Variants in RSF1 observed in about 807,000 individuals in gnomAD.
RSF1 encodes the protein remodeling and spacing factor 1, also known as HBV pX-associated protein 8.
RSF1 carries 13 observed loss-of-function variants against 145.2 expected under a neutral mutation model. The observed-to-expected ratio is 0.09, with a 90% CI of 0.06 to 0.14. RSF1 has a LOEUF of 0.14. Among genes scored for constraint, RSF1 ranks in the 10% least tolerant of loss-of-function variants. The probability of loss-of-function intolerance (pLI) is 1.00; values close to 1 mark genes in which losing one functional copy is unlikely to be tolerated. For missense variants in RSF1, 1,517 were observed against 1,718.2 expected, an observed-to-expected ratio of 0.88 and a Z score of 2.07; for synonymous variants, 577 against 592.6, an observed-to-expected ratio of 0.97 and a Z score of 0.38.
At chr11:77,704,352 C>T (rs1960493356) in intron 5 of RSF1, among the ~76,000 whole-genome samples, 1 of 152,102 alleles carries the variant, frequency 6.6e-6, no homozygotes, top group Admixed American at 6.6e-5. Flanking sequence ...AAACCTTCAA[C>T]CCAATACTAA....
At chr11:77,793,321 G>C (rs909376679) in intron 1 of RSF1, among the ~76,000 whole-genome samples, 3 of 151,856 alleles carry the variant, frequency 2.0e-5, no homozygotes, top group Non-Finnish European at 2.9e-5. Context: ...CTCTACAAAA[G>C]AAAAAAATTT....
chr11:77,823,717 T>G (rs1253464615), upstream of RSF1, among the ~76,000 whole-genome samples: 1 of 151,990 alleles, frequency 6.6e-6, no homozygotes. Flanking sequence ...TACTGGTTAC[T>G]TAACTGACCT....
At chr11:77,768,020 T>C (rs76613087) in intron 1 of RSF1, among the ~76,000 whole-genome samples, 2,153 of 152,288 alleles carry the variant, frequency 0.014, 52 homozygotes, top group African/African-American at 0.047. Context: ...GTCAGCACTG[T>C]GCAATAGAAA....
chr11:77,837,799 AT>A, the RSF1 span, among the ~76,000 whole-genome samples: 1,241 of 152,290 alleles, frequency 8.1e-3, 14 homozygotes, highest in African/African-American at 0.027. Context: ...GCTCATGCCT[AT>A]AATGCAAGCA....
At chr11:77,858,959 A>G in the RSF1 span, among the ~76,000 whole-genome samples, 1 of 152,210 alleles carries the variant, frequency 6.6e-6, no homozygotes, top group Non-Finnish European at 1.5e-5. Flanking sequence ...TTTCTTTGGC[A>G]CACTTTACAG....
intron 15 of RSF1, among the ~76,000 whole-genome samples, chr11:77,669,157 A>G (rs969049737): frequency 5.3e-5 from 8 of 152,118 alleles, no homozygotes; most frequent in Admixed American, 2.0e-4. Context: ...CCCAACAGTA[A>G]ATCCTTTGGG....
chr11:77,749,325 AAAAG>A (rs1364188273), intron 2 of RSF1, among the ~76,000 whole-genome samples: 12 of 152,334 alleles, frequency 7.9e-5, no homozygotes, highest in African/African-American at 1.9e-4. Context: ...AAATTTAAAA[AAAAG>A]AAAGACAGAG....
intron 1 of RSF1, among the ~76,000 whole-genome samples, chr11:77,783,595 G>A (rs896913021): frequency 2.6e-5 from 4 of 152,030 alleles, no homozygotes; most frequent in Admixed American, 2.6e-4. Context: ...TAATCCCAGC[G>A]CTTTAGGAGG....
intron 1 of RSF1, among the ~76,000 whole-genome samples, chr11:77,766,119 T>A (rs1364462526): frequency 6.6e-6 from 1 of 151,680 alleles, no homozygotes; most frequent in Non-Finnish European, 1.5e-5. Context: ...TACTCAAATA[T>A]ATTGGCAAAA....
chr11:77,690,380 T>C (rs1000625342), intron 9 of RSF1, among the ~76,000 whole-genome samples: 7 of 152,216 alleles, frequency 4.6e-5, no homozygotes, highest in African/African-American at 1.7e-4. Context: ...CTACAATACT[T>C]AGTTATGGAC....
chr11:77,771,719 C>A (rs1246390582), intron 1 of RSF1, among the ~76,000 whole-genome samples: 1 of 152,052 alleles, frequency 6.6e-6, no homozygotes, highest in African/African-American at 2.4e-5. Flanking sequence ...ACATGAAAGT[C>A]CATTATATAA....
chr11:77,674,876 G>A (rs1462637900), intron 14 of RSF1, among the ~76,000 whole-genome samples, 160 bp downstream of exon 14: 2 of 152,196 alleles, frequency 1.3e-5, no homozygotes, highest in African/African-American at 4.8e-5. Context: ...GCACATGCCT[G>A]TAATCCCAGC....
intron 5 of RSF1, among the ~76,000 whole-genome samples, chr11:77,721,834 G>GAATA (rs1554989592): frequency 6.6e-6 from 1 of 152,136 alleles, no homozygotes; most frequent in East Asian, 1.9e-4. Context: ...ATGAATGAAT[G>GAATA]AATAAGAAAC....
Position 77,701,835 on chromosome 11 carries a change from T to C in RSF1, c.1394A>G (p.Tyr465Cys), listed in dbSNP as rs779350452. Residue 465 changes from tyrosine to cysteine, a missense_variant, in exon 6 of 16, where the codon TAT becomes TGT. Transcript: ENST00000308488. ...GCTATAGCTCTCTTCCTTTGTCTCA[T>C]AAAACTTTGTCTCTATTGGTTCTGT... ...FKTEPIETKF[Y>C]ETKEESYSPS... The C allele has an allele frequency of 6.8e-6, 11 of 1,614,016 alleles. No homozygotes were observed. The African/African-American group carries it at 1.1e-4, about 16-fold the overall frequency.
At chr11:77,795,273 G>A (rs1269423302) in intron 1 of RSF1, among the ~76,000 whole-genome samples, 4 of 152,120 alleles carry the variant, frequency 2.6e-5, no homozygotes, top group African/African-American at 9.7e-5. Context: ...ACTGCTCAAA[G>A]CAATCTACAG....
chr11:77,669,265 A>G (rs933434138), intron 15 of RSF1, among the ~76,000 whole-genome samples: 3 of 152,158 alleles, frequency 2.0e-5, no homozygotes, highest in Admixed American at 6.6e-5. Context: ...GACTATTACA[A>G]TAACTTCCCA....
chr11:77,781,624 T>G (rs1948405513), intron 1 of RSF1, among the ~76,000 whole-genome samples: 1 of 152,212 alleles, frequency 6.6e-6, no homozygotes, highest in Non-Finnish European at 1.5e-5. Flanking sequence ...CAAAAACACT[T>G]GAGGTGTCAG....
upstream of RSF1, among the ~76,000 whole-genome samples, chr11:77,822,960 A>G (rs191968488): frequency 2.9e-3 from 443 of 152,344 alleles, 1 homozygote; most frequent in African/African-American, 0.01. Flanking sequence ...TCACGCCTGT[A>G]ATCCCAGCAC....
chr11:77,800,202 T>C (rs1289559321), intron 1 of RSF1, among the ~76,000 whole-genome samples: 3 of 152,040 alleles, frequency 2.0e-5, no homozygotes, highest in Non-Finnish European at 2.9e-5. Flanking sequence ...TAGGAAAAAT[T>C]TGGCTGTGGT....
Sources: allele counts gnomAD v4.1 joint callset (sites outside exome capture counted in the v4.1 genomes callset), GRCh38; gene constraint gnomAD v4.1.1; transcripts MANE v1.5; gene names NCBI Gene and HGNC (gene_info 2026-07-23, HGNC 2026-07-21).